Variants in TCF12 observed in about 807,000 individuals in gnomAD.
TCF12 encodes transcription factor 12.
In TCF12, 45 loss-of-function variants were observed where a neutral mutation model predicts 86.0. The ratio of observed to expected loss-of-function variants is 0.52; its 90% CI spans 0.41 to 0.67. TCF12 has a LOEUF of 0.67. Among genes scored for constraint, TCF12 ranks in the 30% least tolerant of loss-of-function variants. The pLI is 0.00. For missense variants in TCF12, 881 were observed against 859.9 expected, an observed-to-expected ratio of 1.02 and a Z score of -0.31; for synonymous variants, 330 against 299.6, an observed-to-expected ratio of 1.10 and a Z score of -1.05.
At chr15:57,051,120 G>T (rs1239027041) in intron 3 of TCF12, among the ~76,000 whole-genome samples, 2 of 152,074 alleles carry the variant, frequency 1.3e-5, no homozygotes, top group Non-Finnish European at 2.9e-5. Context: ...TTTTGTTTTT[G>T]CTCTGGTAGG....
chr15:56,993,883 A>G (rs1304439706), intron 3 of TCF12, among the ~76,000 whole-genome samples: 1 of 152,238 alleles, frequency 6.6e-6, no homozygotes, highest in Admixed American at 6.5e-5. Flanking sequence ...ATGAAGAACA[A>G]GGAAGATTTC....
At chr15:56,938,827 A>G (rs1230540066) in intron 3 of TCF12, among the ~76,000 whole-genome samples, 1 of 152,134 alleles carries the variant, frequency 6.6e-6, no homozygotes, top group Admixed American at 6.5e-5. Flanking sequence ...AGAGGATGCA[A>G]ACATTCAGTC....
chr15:57,196,210 G>A (rs2057257265), intron 7 of TCF12, among the ~76,000 whole-genome samples: 1 of 151,888 alleles, frequency 6.6e-6, no homozygotes. Context: ...TACTGAACAT[G>A]CATAGACTTA....
In TCF12 at chr15:57,197,664, A is replaced by G; in HGVS notation, c.527-109A>G. The G allele has an allele frequency of 3.9e-6, 5 of 1,282,792 alleles. No homozygotes were observed. In the Admixed American group the frequency reaches 1.1e-4, roughly 28 times the overall value. The allele number at this position is 1,282,792 out of a possible 1,614,324, so 79.5% of individuals were successfully genotyped here. On this transcript the variant is annotated intron_variant, in intron 7 of 20. Coordinates refer to ENST00000333725, the MANE Select transcript of TCF12 (RefSeq NM_207037.2). Reference sequence around the variant, plus strand: ...ACTGTATTTTGCTGCTTACTCCCAAATATTGGAAAACAAGAAAGACGCTAG... The same window carrying G: ...ACTGTATTTTGCTGCTTACTCCCAAGTATTGGAAAACAAGAAAGACGCTAG...
intron 5 of TCF12, among the ~76,000 whole-genome samples, chr15:57,131,689 G>A (rs2052135433): frequency 6.6e-6 from 1 of 152,142 alleles, no homozygotes; most frequent in Non-Finnish European, 1.5e-5. Context: ...CTCTGAAGAT[G>A]ACTAGACAGA....
In TCF12 at chr15:57,215,122, T is replaced by C. The variant is rs1267670378; in HGVS notation, c.580-16030T>C. 2.0e-5 allele frequency among the ~76,000 whole-genome samples: 3 copies of C among 152,168 alleles called. No homozygotes were observed. The East Asian group carries it at 5.8e-4, about 29-fold the overall frequency. On this transcript the variant is annotated intron_variant, in intron 8 of 20. Transcript: ENST00000333725. ...ATTAGAAAAACCAGAATAACAACTT[T>C]CTGAACATATTTACAAAGTAGCATA... is the stretch of plus-strand genomic sequence containing the variant.
intron 5 of TCF12, among the ~76,000 whole-genome samples, chr15:57,164,730 G>T (rs1275555621): frequency 6.6e-6 from 1 of 152,130 alleles, no homozygotes; most frequent in African/African-American, 2.4e-5. Context: ...ACCCAGGCTG[G>T]AGTACAATGG....
intron 8 of TCF12, among the ~76,000 whole-genome samples, chr15:57,199,789 T>A (rs1174079641): frequency 6.6e-6 from 1 of 152,196 alleles, no homozygotes; most frequent in Non-Finnish European, 1.5e-5. Context: ...ATATATTAAA[T>A]GTTATTAAGG....
intron 6 of TCF12, among the ~76,000 whole-genome samples, chr15:57,183,579 CACTT>C (rs1303322654): frequency 5.3e-5 from 8 of 152,104 alleles, no homozygotes; most frequent in South Asian, 4.1e-4. Flanking sequence ...AATCTTAGAT[CACTT>C]ACTTAAGACA....
chr15:57,166,182 G>C (rs1025627616), intron 5 of TCF12, among the ~76,000 whole-genome samples: 4 of 152,144 alleles, frequency 2.6e-5, no homozygotes, highest in African/African-American at 9.7e-5. Context: ...CTCCCAAAGT[G>C]CTGAGATTAC....
chr15:57,225,492 G>A (rs1035586589), intron 8 of TCF12, among the ~76,000 whole-genome samples: 13 of 151,972 alleles, frequency 8.6e-5, no homozygotes, highest in Admixed American at 1.3e-4. Context: ...TGATCCACCC[G>A]CCTCGGCCTC....
intron 13 of TCF12, among the ~76,000 whole-genome samples, chr15:57,244,242 A>T (rs1878819576): frequency 1.3e-5 from 2 of 152,202 alleles, no homozygotes; most frequent in South Asian, 4.1e-4. Flanking sequence ...TTAAAAGTAC[A>T]TGTAACTTCC....
chr15:56,931,309 T>G (rs1370149929), intron 3 of TCF12, among the ~76,000 whole-genome samples: 1 of 152,176 alleles, frequency 6.6e-6, no homozygotes, highest in Non-Finnish European at 1.5e-5. Flanking sequence ...GAGAGAAGCT[T>G]TCTCATCTTT....
intron 3 of TCF12, among the ~76,000 whole-genome samples, chr15:56,974,436 C>T (rs72749460): frequency 0.013 from 2,027 of 152,124 alleles, 36 homozygotes; most frequent in Non-Finnish European, 0.018. Context: ...TGCAGCTTTT[C>T]TGTACTCTTG....
intron 13 of TCF12, chr15:57,248,018 A>T: frequency 1.4e-6 from 1 of 709,804 alleles, no homozygotes; most frequent in Non-Finnish European, 2.6e-6. Context: ...CAACGGCTGC[A>T]GTTGGGCAGC....
intron 5 of TCF12, among the ~76,000 whole-genome samples, chr15:57,138,957 G>C (rs1203853944): frequency 1.3e-5 from 2 of 152,176 alleles, no homozygotes; most frequent in Admixed American, 6.5e-5. Context: ...AAATTAACCA[G>C]TAGCTGAGAT....
chr15:57,170,267 A>G (rs1391038152), intron 6 of TCF12, among the ~76,000 whole-genome samples: 2 of 150,888 alleles, frequency 1.3e-5, no homozygotes, highest in Admixed American at 6.6e-5. Context: ...GAGACAGGGA[A>G]TTAAAAATTT....
intron 5 of TCF12, among the ~76,000 whole-genome samples, chr15:57,156,142 A>G (rs1272341248): frequency 1.3e-5 from 2 of 152,244 alleles, no homozygotes; most frequent in African/African-American, 4.8e-5. Context: ...CTTTGGTTTT[A>G]TAACTGTACA....
intron 5 of TCF12, among the ~76,000 whole-genome samples, chr15:57,102,091 T>C (rs1270301364): frequency 6.7e-6 from 1 of 149,518 alleles, no homozygotes; most frequent in Non-Finnish European, 1.5e-5. Context: ...CATAAACATA[T>C]AATTCATGGC....
Sources: allele counts gnomAD v4.1 joint callset (sites outside exome capture counted in the v4.1 genomes callset), GRCh38; gene constraint gnomAD v4.1.1; transcripts MANE v1.5; gene names NCBI Gene and HGNC (gene_info 2026-07-23, HGNC 2026-07-21).